CDK14: variants seen among roughly 807,000 people sequenced by gnomAD.
The protein encoded by CDK14 is cyclin-dependent kinase 14.
A neutral mutation model predicts 60.7 loss-of-function variants in CDK14; 34 were observed. That is an observed-to-expected ratio of 0.56 (90% confidence interval 0.43 to 0.75). CDK14 has a LOEUF of 0.75. Among genes scored for constraint, CDK14 ranks in the 30% least tolerant of loss-of-function variants. The pLI is 0.00. For missense variants in CDK14, 482 were observed against 564.1 expected, an observed-to-expected ratio of 0.85 and a Z score of 1.47; for synonymous variants, 197 against 203.7, an observed-to-expected ratio of 0.97 and a Z score of 0.28.
At chr7:90,790,933 A>G (rs927916073) in intron 5 of CDK14, among the ~76,000 whole-genome samples, 2 of 152,202 alleles carry the variant, frequency 1.3e-5, no homozygotes, top group Non-Finnish European at 2.9e-5. Context: ...GTCTGCTATC[A>G]TTTACAGAGT....
intron 14 of CDK14, among the ~76,000 whole-genome samples, chr7:91,138,512 A>G (rs922739242): frequency 6.6e-6 from 1 of 152,170 alleles, no homozygotes; most frequent in African/African-American, 2.4e-5. Flanking sequence ...GACATAGTGC[A>G]TTGACAGTCT....
In CDK14 at chr7:90,952,515, A is replaced by G. The variant is rs544368904; in HGVS notation, c.827-3182A>G. Among the ~76,000 whole-genome samples, 507 of 152,318 alleles carry G rather than the reference A, an allele frequency of 3.3e-3. 8 individuals are homozygous for G. Among genetic ancestry groups the G allele is most frequent in the African/African-American group, 0.012 (487 of 41,584 alleles). On this transcript the variant is annotated intron_variant, in intron 8 of 14. Coordinates refer to ENST00000380050, the MANE Select transcript of CDK14 (RefSeq NM_001287135.2). ...TTTACTCTGGGGTCTTTCATTAGTTAGAAATGTCAACACTGTAAAGTTGGA... is the reference window on the plus strand; with the variant it reads ...TTTACTCTGGGGTCTTTCATTAGTTGGAAATGTCAACACTGTAAAGTTGGA...
chr7:91,153,128 A>G (rs987200022), intron 14 of CDK14, among the ~76,000 whole-genome samples: 29 of 152,202 alleles, frequency 1.9e-4, no homozygotes, highest in African/African-American at 7.0e-4. Context: ...ATTCTCCTGG[A>G]AAGATGCAGA....
intron 5 of CDK14, among the ~76,000 whole-genome samples, chr7:90,796,661 A>AG (rs1414101838): frequency 6.6e-6 from 1 of 151,852 alleles, no homozygotes; most frequent in Non-Finnish European, 1.5e-5. Context: ...GACTTGTCTA[A>AG]GGAGCAGGAT....
intron 2 of CDK14, among the ~76,000 whole-genome samples, chr7:90,722,271 G>A (rs1372887382): frequency 6.6e-6 from 1 of 151,860 alleles, no homozygotes; most frequent in Non-Finnish European, 1.5e-5. Context: ...CACAGACTCT[G>A]CAGCTCACTG....
At chr7:91,170,311 A>G (rs1162550154) in intron 14 of CDK14, among the ~76,000 whole-genome samples, 1 of 152,146 alleles carries the variant, frequency 6.6e-6, no homozygotes, top group African/African-American at 2.4e-5. Flanking sequence ...AACATTCCCT[A>G]CATGCTAATT....
chr7:90,639,725 G>T (rs1455735317), intron 2 of CDK14, among the ~76,000 whole-genome samples: 1 of 149,968 alleles, frequency 6.7e-6, no homozygotes, highest in Admixed American at 6.7e-5. Context: ...CCCAGAGGTG[G>T]AGCCTACAGA....
chr7:91,062,722 C>CCGAAG lies in CDK14; in HGVS notation c.1106-16708_1106-16704dup, dbSNP rs1317246892. 2.0e-5 allele frequency among the ~76,000 whole-genome samples: 3 copies of CCGAAG among 152,156 alleles called. No homozygotes were observed. In the East Asian group the frequency reaches 5.8e-4, roughly 29 times the overall value. On this transcript the variant is annotated intron_variant, in intron 11 of 14. Coordinates refer to ENST00000380050, the MANE Select transcript of CDK14 (RefSeq NM_001287135.2). ...AGGTAGACAGGGCAGATGGACAAAGCCGAAGCTCAGTGAGGAAAATACTGT... is the reference window on the plus strand; with the variant it reads ...AGGTAGACAGGGCAGATGGACAAAGCCGAAGCGAAGCTCAGTGAGGAAAATACTGT...
chr7:90,709,770 C>CTTT, intron 2 of CDK14: 1 of 1,165,002 alleles, frequency 8.6e-7, no homozygotes, highest in South Asian at 1.9e-5. Context: ...GATTTCTGGG[C>CTTT]TTTTTTTTTT....
At chr7:90,680,064 TG>T in intron 2 of CDK14, among the ~76,000 whole-genome samples, 1 of 150,666 alleles carries the variant, frequency 6.6e-6, no homozygotes, top group South Asian at 2.1e-4. Flanking sequence ...ATAGAATTTT[TG>T]TTTATATATA....
chr7:90,958,239 C>T (rs1417036895), intron 9 of CDK14, among the ~76,000 whole-genome samples: 4 of 152,000 alleles, frequency 2.6e-5, no homozygotes, highest in Non-Finnish European at 4.4e-5. Flanking sequence ...TCTAGCAGCC[C>T]TCCCTAAGAA....
intron 10 of CDK14, among the ~76,000 whole-genome samples, chr7:91,036,010 A>G (rs1033312195): frequency 2.8e-4 from 43 of 151,764 alleles, no homozygotes; most frequent in African/African-American, 1.0e-3. Flanking sequence ...CACCCGGCTA[A>G]TTTTTTGTAT....
intron 14 of CDK14, among the ~76,000 whole-genome samples, chr7:91,191,862 T>C (rs1470545465): frequency 6.6e-6 from 1 of 152,080 alleles, no homozygotes. Context: ...ATTAAAATTG[T>C]GTGGATCAGA....
At chr7:90,677,947 G>C (rs73707455) in intron 2 of CDK14, among the ~76,000 whole-genome samples, 2,019 of 152,304 alleles carry the variant, frequency 0.013, 42 homozygotes, top group African/African-American at 0.045. Flanking sequence ...CAGCTGTGTG[G>C]CTGACAGGAG....
chr7:91,129,932 A>G (rs1345374970), intron 14 of CDK14, among the ~76,000 whole-genome samples: 4 of 152,196 alleles, frequency 2.6e-5, no homozygotes, highest in Non-Finnish European at 5.9e-5. Context: ...CATGGATAAA[A>G]TATTCACTGA....
In CDK14 at chr7:91,037,462, A is replaced by G. The variant is rs181037455; in HGVS notation, c.1042-8435A>G. ...GTGTTGAATGTGAGGGAGAGAGAGC[A>G]TGAAAAAAACCTCATTCTGATACTC... On this transcript the variant is annotated intron_variant, in intron 10 of 14. Transcript: ENST00000380050. Among the ~76,000 whole-genome samples, 89 of 151,848 alleles carry G rather than the reference A, an allele frequency of 5.9e-4. 1 individual carries two copies. The highest frequency in any genetic ancestry group is 2.0e-3 in the African/African-American group (84 of 41,444).
intron 3 of CDK14, among the ~76,000 whole-genome samples, chr7:90,727,454 C>G (rs1226043121): frequency 6.6e-6 from 1 of 152,126 alleles, no homozygotes; most frequent in Non-Finnish European, 1.5e-5. Flanking sequence ...TAGAAAGGAA[C>G]ACACCAAGAG....
At chr7:90,772,033 G>T (rs1403243502) in intron 4 of CDK14, among the ~76,000 whole-genome samples, 1 of 152,192 alleles carries the variant, frequency 6.6e-6, no homozygotes, top group Non-Finnish European at 1.5e-5. Context: ...GGACTTTTGG[G>T]ATAGAGATTT....
intron 5 of CDK14, among the ~76,000 whole-genome samples, chr7:90,792,198 C>CT (rs35700270): frequency 0.027 from 3,910 of 143,500 alleles, 78 homozygotes; most frequent in African/African-American, 0.038. Flanking sequence ...CTGTGCCTGC[C>CT]TTTTTTTTTT....
Sources: allele counts gnomAD v4.1 joint callset (sites outside exome capture counted in the v4.1 genomes callset), GRCh38; gene constraint gnomAD v4.1.1; transcripts MANE v1.5; gene names NCBI Gene and HGNC (gene_info 2026-07-23, HGNC 2026-07-21).